Variants in RORA observed in about 807,000 individuals in gnomAD.
RORA encodes the protein nuclear receptor ROR-alpha.
A neutral mutation model predicts 69.5 loss-of-function variants in RORA; 7 were observed. The ratio of observed to expected loss-of-function variants is 0.10; its 90% CI spans 0.06 to 0.19. The LOEUF is 0.19. Ranked by LOEUF, RORA falls within the 10% of genes least tolerant of loss-of-function variation. RORA has a pLI of 1.00. For synonymous variants in RORA, 261 were observed against 240.8 expected (o/e 1.08, Z -0.78); for missense variants, 457 against 663.0 (o/e 0.69, Z 3.41).
intron 1 of RORA, among the ~76,000 whole-genome samples, chr15:60,856,834 G>A (rs762343783): frequency 2.0e-5 from 3 of 152,228 alleles, no homozygotes; most frequent in Non-Finnish European, 4.4e-5. Flanking sequence ...CAGAGAGGGA[G>A]AAGGGGTGCT....
intron 2 of RORA, among the ~76,000 whole-genome samples, chr15:60,658,094 T>A (rs1567144283): frequency 6.6e-6 from 1 of 152,140 alleles, no homozygotes; most frequent in Non-Finnish European, 1.5e-5. Context: ...TTTCTTTTTT[T>A]TTTGGAGATG....
In RORA at chr15:61,213,038, C is replaced by A. The variant is rs995502174; in HGVS notation, c.166+16015G>T. Among the ~76,000 whole-genome samples the A allele has an allele frequency of 6.6e-6, 1 of 152,230 alleles. No homozygotes were observed. The highest frequency in any genetic ancestry group is 1.9e-4 in the East Asian group (1 of 5,172). ...TATTGTCACCTGCTCCCTGCTAGACCCCCATTCCCCGCTGCCCATCAGATA... is the reference window on the plus strand; with the variant it reads ...TATTGTCACCTGCTCCCTGCTAGACACCCATTCCCCGCTGCCCATCAGATA... On this transcript the variant is annotated intron_variant, in intron 1 of 10. Transcript: ENST00000335670. This position sits in a 1 kb window ranked among gnomAD's most constrained non-coding sequence, Gnocchi z 4.1.
chr15:61,110,089 G>A (rs779161774), intron 1 of RORA, among the ~76,000 whole-genome samples: 11 of 152,168 alleles, frequency 7.2e-5, no homozygotes, highest in Non-Finnish European at 1.2e-4. Flanking sequence ...CTACTGCACT[G>A]CCAGTTGTAT....
intron 1 of RORA, among the ~76,000 whole-genome samples, chr15:61,014,891 C>T (rs1895226273): frequency 2.0e-5 from 3 of 152,154 alleles, no homozygotes; most frequent in Admixed American, 6.5e-5. Context: ...TTTTTAAATG[C>T]TTCTGCCTTA....
intron 1 of RORA, among the ~76,000 whole-genome samples, chr15:61,048,706 C>T (rs760129559): frequency 6.6e-6 from 1 of 152,158 alleles, no homozygotes; most frequent in Non-Finnish European, 1.5e-5. Context: ...CCCATAGAGT[C>T]CCCCTGAACA....
At chr15:61,129,963 A>C (rs2079176537) in intron 1 of RORA, among the ~76,000 whole-genome samples, 1 of 152,236 alleles carries the variant, frequency 6.6e-6, no homozygotes, top group South Asian at 2.1e-4. Context: ...ACAAGAAATG[A>C]AAGGTGTATA....
At chr15:60,842,868 C>T (rs1240156539) in intron 1 of RORA, among the ~76,000 whole-genome samples, 1 of 152,132 alleles carries the variant, frequency 6.6e-6, no homozygotes, top group Non-Finnish European at 1.5e-5. Flanking sequence ...CAGGAAGCTT[C>T]AAGTAGATGG....
chr15:61,086,230 T>C (rs1191267313), intron 1 of RORA, among the ~76,000 whole-genome samples: 1 of 152,266 alleles, frequency 6.6e-6, no homozygotes, highest in Non-Finnish European at 1.5e-5. Context: ...CATACGTCCA[T>C]GATCACAGAG....
At chr15:60,801,609 A>G (rs2140358115) in intron 1 of RORA, among the ~76,000 whole-genome samples, 1 of 152,370 alleles carries the variant, frequency 6.6e-6, no homozygotes, top group South Asian at 2.1e-4. Flanking sequence ...ACTTTAATGC[A>G]TAATGTTATA....
chr15:60,636,702 A>G (rs1172858814), intron 2 of RORA, among the ~76,000 whole-genome samples: 1 of 152,210 alleles, frequency 6.6e-6, no homozygotes, highest in African/African-American at 2.4e-5. Flanking sequence ...AGAAGTTAAA[A>G]GAAGCCTACA....
intron 2 of RORA, 151 bp downstream of exon 2, chr15:60,678,506 T>G: frequency 1.5e-6 from 1 of 661,346 alleles, no homozygotes; most frequent in Admixed American, 2.3e-5. Flanking sequence ...ATGTGCCACT[T>G]CCGACCACTA....
At chr15:60,927,515 G>C (rs1166296402) in intron 1 of RORA, among the ~76,000 whole-genome samples, 1 of 152,238 alleles carries the variant, frequency 6.6e-6, no homozygotes, top group African/African-American at 2.4e-5. Context: ...GCTCATGCCT[G>C]TAGTCCCAGC....
rs73428872 is a variant in RORA at position 61,074,701 on chromosome 15, A to G, written c.166+154352T>C. On this transcript the variant is annotated intron_variant, in intron 1 of 10. Coordinates refer to ENST00000335670, the MANE Select transcript of RORA (RefSeq NM_134261.3). ...GGTAGACTCCTGGGAATATTTCTCA[A>G]TGTTCTAGCTCCCATCTTTTGCTTC... Among the ~76,000 whole-genome samples, 1,060 of 152,280 alleles carry G rather than the reference A, an allele frequency of 7.0e-3. 14 individuals carry two copies. Among genetic ancestry groups the G allele is most frequent in the African/African-American group, 0.024 (993 of 41,554 alleles).
At chr15:60,762,009 C>G (rs2071901365) in intron 1 of RORA, among the ~76,000 whole-genome samples, 1 of 151,662 alleles carries the variant, frequency 6.6e-6, no homozygotes, top group Non-Finnish European at 1.5e-5. Flanking sequence ...AAAACATCTG[C>G]AAGAATTTTA....
chr15:60,901,775 T>C (rs961613844), intron 1 of RORA, among the ~76,000 whole-genome samples: 2 of 152,238 alleles, frequency 1.3e-5, no homozygotes, highest in Non-Finnish European at 2.9e-5. Context: ...ACACTGATTT[T>C]CACATGGTCC....
chr15:60,634,101 C>A (rs193299154), intron 2 of RORA, among the ~76,000 whole-genome samples: 37 of 152,142 alleles, frequency 2.4e-4, no homozygotes, highest in African/African-American at 8.7e-4. Flanking sequence ...AGAATACCCC[C>A]AGCTTTTCAC....
intron 1 of RORA, among the ~76,000 whole-genome samples, chr15:61,049,808 C>T (rs1219562021): frequency 6.6e-6 from 1 of 152,094 alleles, no homozygotes; most frequent in Non-Finnish European, 1.5e-5. Flanking sequence ...TATAGGCGCA[C>T]ACCACCACAC....
In RORA at chr15:60,759,007, C is replaced by G. The variant is rs550357701; in HGVS notation, c.167-80321G>C. ...CACCTGAGCTGAGGCTCAAACCGTT[C>G]TTCAGATTTACAATCCAGTGGGTTT... On this transcript the variant is annotated intron_variant, in intron 1 of 10. Coordinates refer to ENST00000335670, the MANE Select transcript of RORA (RefSeq NM_134261.3). Among the ~76,000 whole-genome samples, 10 of 152,348 alleles carry G rather than the reference C, an allele frequency of 6.6e-5. No individual in the cohort carries two copies. In the South Asian group the frequency reaches 2.1e-3, roughly 32 times the overall value.
intron 1 of RORA, among the ~76,000 whole-genome samples, chr15:60,898,405 G>A (rs925983691): frequency 4.0e-5 from 6 of 151,892 alleles, no homozygotes; most frequent in East Asian, 1.9e-4. Flanking sequence ...AGCTGGCCCC[G>A]GTGGCTCACA....
Sources: allele counts gnomAD v4.1 joint callset (sites outside exome capture counted in the v4.1 genomes callset), GRCh38; gene constraint gnomAD v4.1.1; non-coding constraint Gnocchi (gnomAD v3.1); transcripts MANE v1.5; gene names NCBI Gene and HGNC (gene_info 2026-07-23, HGNC 2026-07-21).